RPS6KC1: variants seen among roughly 807,000 people sequenced by gnomAD.
The protein encoded by RPS6KC1 is ribosomal protein S6 kinase C1.
RPS6KC1 carries 54 observed loss-of-function variants against 103.8 expected under a neutral mutation model. The observed-to-expected ratio is 0.52, with a 90% CI of 0.42 to 0.65. RPS6KC1 has a LOEUF of 0.65. Among genes scored for constraint, RPS6KC1 ranks in the 30% least tolerant of loss-of-function variants. The pLI is 0.00. For missense variants in RPS6KC1, 1,151 were observed against 1,253.8 expected, an observed-to-expected ratio of 0.92 and a Z score of 1.24; for synonymous variants, 439 against 438.7, an observed-to-expected ratio of 1.00 and a Z score of -0.01.
intron 10 of RPS6KC1, among the ~76,000 whole-genome samples, chr1:213,233,062 C>CATTT (rs1226094978): frequency 6.6e-6 from 1 of 151,974 alleles, no homozygotes; most frequent in African/African-American, 2.4e-5. Context: ...ATAGGCATAA[C>CATTT]ATTTGTATTT....
chr1:213,733,020 C>T, the RPS6KC1 span, among the ~76,000 whole-genome samples: 20 of 152,098 alleles, frequency 1.3e-4, no homozygotes, highest in African/African-American at 4.6e-4. Context: ...GTGTATACAC[C>T]ATATTTTCTT....
At chr1:213,121,716 C>T (rs1330929272) in intron 5 of RPS6KC1, among the ~76,000 whole-genome samples, 2 of 152,142 alleles carry the variant, frequency 1.3e-5, no homozygotes, top group Non-Finnish European at 2.9e-5. Context: ...GGTATAGTCT[C>T]ATCTGGTAAC....
the RPS6KC1 span, among the ~76,000 whole-genome samples, chr1:213,687,259 T>C: frequency 6.6e-6 from 1 of 152,186 alleles, no homozygotes; most frequent in Non-Finnish European, 1.5e-5. Flanking sequence ...ATGGAGTCGC[T>C]CTGGTTTGAA....
the RPS6KC1 span, among the ~76,000 whole-genome samples, chr1:213,419,720 G>A: frequency 1.3e-5 from 2 of 152,226 alleles, no homozygotes; most frequent in East Asian, 3.8e-4. Context: ...GGTATAGGAA[G>A]AGAGCTAGAA....
At chr1:213,068,706 A>T (rs2078577342) in intron 1 of RPS6KC1, among the ~76,000 whole-genome samples, 1 of 151,774 alleles carries the variant, frequency 6.6e-6, no homozygotes, top group African/African-American at 2.4e-5. Context: ...AACCACATGT[A>T]GCTATTTTGA....
the RPS6KC1 span, among the ~76,000 whole-genome samples, chr1:213,726,760 C>T: frequency 4.6e-5 from 7 of 152,146 alleles, no homozygotes; most frequent in Non-Finnish European, 7.4e-5. Flanking sequence ...TGATATTTTT[C>T]TACTTATGTC....
chr1:213,151,582 G>A (rs1306568913), intron 6 of RPS6KC1, among the ~76,000 whole-genome samples: 1 of 89,078 alleles, frequency 1.1e-5, no homozygotes, highest in Non-Finnish European at 2.3e-5. Flanking sequence ...CGGATGGGGC[G>A]GCTGGCCGGG....
At chr1:213,419,387 G>C in the RPS6KC1 span, among the ~76,000 whole-genome samples, 1 of 152,218 alleles carries the variant, frequency 6.6e-6, no homozygotes, top group Non-Finnish European at 1.5e-5. Context: ...ATTAGCCATT[G>C]ATTGAGCACT....
chr1:213,062,849 G>T (rs1437826910), intron 1 of RPS6KC1, among the ~76,000 whole-genome samples: 1 of 151,858 alleles, frequency 6.6e-6, no homozygotes. Flanking sequence ...CATCGCATCC[G>T]GGCAAGAGAG....
At position 213,214,045 on chromosome 1, in the gene RPS6KC1, A is replaced by C. The variant is rs2093589746; in HGVS notation, c.1045-16452A>C. Among the ~76,000 whole-genome samples, 3 of 152,222 alleles carry C rather than the reference A, an allele frequency of 2.0e-5. No homozygotes were observed. The South Asian group carries it at 6.2e-4, about 31-fold the overall frequency. ...ACAGTGGGTGCAGGACAGTGGGTGC[A>C]GCGCACCGAGCATGAGCCGAAGCAG... is the stretch of plus-strand genomic sequence containing the variant. On this transcript the variant is annotated intron_variant, in intron 8 of 14. Coordinates refer to ENST00000366960, the MANE Select transcript of RPS6KC1 (RefSeq NM_012424.6).
At chr1:213,781,851 G>A in the RPS6KC1 span, among the ~76,000 whole-genome samples, 11 of 152,210 alleles carry the variant, frequency 7.2e-5, no homozygotes, top group Middle Eastern at 3.4e-3. Context: ...GGGGTGGTTC[G>A]TTGTGGCTCA....
the RPS6KC1 span, among the ~76,000 whole-genome samples, chr1:213,695,178 G>C: frequency 0.81 from 122,751 of 152,162 alleles, 49,568 homozygotes; most frequent in African/African-American, 0.85. Context: ...ATGAGAGTGA[G>C]ACTTGAGATG....
At chr1:213,774,467 A>G in the RPS6KC1 span, among the ~76,000 whole-genome samples, 1 of 152,212 alleles carries the variant, frequency 6.6e-6, no homozygotes, top group Non-Finnish European at 1.5e-5. Flanking sequence ...AAGGACTTGT[A>G]TTCTAATGGC....
the RPS6KC1 span, among the ~76,000 whole-genome samples, chr1:213,549,252 G>A: frequency 4.1e-3 from 631 of 152,300 alleles, 3 homozygotes; most frequent in Non-Finnish European, 7.4e-3. Context: ...GATCACCAGG[G>A]CCAAGAGAGT....
intron 5 of RPS6KC1, chr1:213,125,684 A>C (rs2084914343): frequency 6.6e-6 from 1 of 150,466 alleles, no homozygotes; most frequent in African/African-American, 2.4e-5. Flanking sequence ...AAAGATGCCG[A>C]ATTAAGAAAT....
At chr1:213,706,592 A>G in the RPS6KC1 span, among the ~76,000 whole-genome samples, 2 of 152,192 alleles carry the variant, frequency 1.3e-5, no homozygotes, top group Non-Finnish European at 2.9e-5. Context: ...ATACATATGC[A>G]GAATATGCAG....
the RPS6KC1 span, among the ~76,000 whole-genome samples, chr1:213,601,071 C>G: frequency 4.6e-5 from 7 of 152,260 alleles, no homozygotes; most frequent in East Asian, 1.4e-3. Context: ...TTCCTGCCAC[C>G]CTGGCATGGT....
At chr1:213,574,291 A>G in the RPS6KC1 span, among the ~76,000 whole-genome samples, 1 of 151,978 alleles carries the variant, frequency 6.6e-6, no homozygotes, top group Non-Finnish European at 1.5e-5. Context: ...CTCCTTCCAA[A>G]CTCTGATATC....
At chr1:213,443,987 A>C in the RPS6KC1 span, among the ~76,000 whole-genome samples, 33 of 152,234 alleles carry the variant, frequency 2.2e-4, no homozygotes, top group African/African-American at 7.9e-4. Context: ...TAAGCCACAG[A>C]AGTTTATTGT....
Sources: allele counts gnomAD v4.1 joint callset (sites outside exome capture counted in the v4.1 genomes callset), GRCh38; gene constraint gnomAD v4.1.1; transcripts MANE v1.5; gene names NCBI Gene and HGNC (gene_info 2026-07-23, HGNC 2026-07-21).